Variants in GALNT13 observed in about 807,000 individuals in gnomAD.
GALNT13 encodes the protein UDP-GalNAc:polypeptide N-acetylgalactosaminyltransferase 13.
A neutral mutation model predicts 64.2 loss-of-function variants in GALNT13; 28 were observed. The ratio of observed to expected loss-of-function variants is 0.44; its 90% confidence interval spans 0.32 to 0.60. The LOEUF (loss-of-function observed/expected upper bound fraction) is 0.60, where lower values mean the gene tolerates loss of function less well. GALNT13 is among the 20% of genes least tolerant of loss of function. The probability of loss-of-function intolerance (pLI) is 0.05; values close to 1 mark genes in which losing one functional copy is unlikely to be tolerated. For missense variants in GALNT13, 577 were observed against 669.8 expected (o/e 0.86, Z 1.53); for synonymous variants, 214 against 224.6 (o/e 0.95, Z 0.42).
intron 4 of GALNT13, among the ~76,000 whole-genome samples, chr2:154,177,698 C>G (rs973242737): frequency 6.6e-6 from 1 of 152,080 alleles, no homozygotes; most frequent in African/African-American, 2.4e-5. Context: ...TGGGAATGCT[C>G]TCAATTTTTC....
At chr2:153,663,450 A>AG in the GALNT13 span, among the ~76,000 whole-genome samples, 11 of 152,206 alleles carry the variant, frequency 7.2e-5, no homozygotes, top group Non-Finnish European at 1.0e-4. Flanking sequence ...TGCCCATGTC[A>AG]GAAAAAAAAA....
At chr2:154,019,501 A>T (rs1574342167) in intron 3 of GALNT13, among the ~76,000 whole-genome samples, 1 of 151,030 alleles carries the variant, frequency 6.6e-6, no homozygotes, top group Non-Finnish European at 1.5e-5. Context: ...GGGTGTGGTG[A>T]CGCACACCTG....
the GALNT13 span, among the ~76,000 whole-genome samples, chr2:153,568,753 A>T: frequency 1.3e-5 from 2 of 152,218 alleles, no homozygotes; most frequent in African/African-American, 4.8e-5. Flanking sequence ...GAAGTGCTAA[A>T]TAATACCAGC....
intron 1 of GALNT13, among the ~76,000 whole-genome samples, chr2:153,886,457 A>T (rs1448512933): frequency 1.3e-5 from 2 of 151,344 alleles, no homozygotes; most frequent in African/African-American, 4.9e-5. Context: ...CTATGCAGCC[A>T]TAAAAAGCGA....
At chr2:154,096,602 C>A (rs940752230) in intron 3 of GALNT13, among the ~76,000 whole-genome samples, 1 of 151,956 alleles carries the variant, frequency 6.6e-6, no homozygotes, top group Non-Finnish European at 1.5e-5. Flanking sequence ...CAGAAACAAC[C>A]ATTTCCCTTG....
chr2:153,509,219 T>A, the GALNT13 span, among the ~76,000 whole-genome samples: 18 of 152,160 alleles, frequency 1.2e-4, no homozygotes, highest in African/African-American at 4.1e-4. Flanking sequence ...GCTTCCAGGG[T>A]CCCTGAGAGT....
chr2:153,615,035 A>G, the GALNT13 span, among the ~76,000 whole-genome samples: 1 of 151,960 alleles, frequency 6.6e-6, no homozygotes, highest in East Asian at 1.9e-4. Context: ...TTCACCATCA[A>G]TCCCAGCGTC....
the GALNT13 span, among the ~76,000 whole-genome samples, chr2:153,631,799 C>T: frequency 6.6e-6 from 1 of 152,172 alleles, no homozygotes; most frequent in Non-Finnish European, 1.5e-5. Flanking sequence ...TGTGCAGAAG[C>T]TCTTTAGTTT....
At chr2:153,166,621 ATGTGTGTGTGTGTGTG>A in the GALNT13 span, among the ~76,000 whole-genome samples, 95 of 122,746 alleles carry the variant, frequency 7.7e-4, no homozygotes, top group African/African-American at 8.8e-4. Context: ...TGCCTACTGC[ATGTGTGTGTGTGTGTG>A]TGTGTGTGTG....
At chr2:153,112,275 G>C in the GALNT13 span, among the ~76,000 whole-genome samples, 1 of 152,090 alleles carries the variant, frequency 6.6e-6, no homozygotes, top group Non-Finnish European at 1.5e-5. Flanking sequence ...GCTGCCTATA[G>C]GCAGTAAGTG....
At chr2:153,611,706 T>TA in the GALNT13 span, among the ~76,000 whole-genome samples, 23 of 133,454 alleles carry the variant, frequency 1.7e-4, no homozygotes, top group African/African-American at 3.4e-4. Context: ...TTTTTTTTTT[T>TA]ACTTTAAGTT....
At chr2:154,273,969 T>C (rs958570735) in intron 8 of GALNT13, among the ~76,000 whole-genome samples, 1 of 152,136 alleles carries the variant, frequency 6.6e-6, no homozygotes, top group African/African-American at 2.4e-5. Context: ...AGATTAAATA[T>C]ATAAGAAGGT....
intron 7 of GALNT13, among the ~76,000 whole-genome samples, chr2:154,249,319 T>A (rs1689947185): frequency 6.6e-6 from 1 of 152,174 alleles, no homozygotes; most frequent in Admixed American, 6.6e-5. Flanking sequence ...GTAAAGTTGC[T>A]CACTGTCTGG....
chr2:154,150,672 C>T (rs1025722812), intron 4 of GALNT13, among the ~76,000 whole-genome samples: 12 of 152,118 alleles, frequency 7.9e-5, no homozygotes, highest in African/African-American at 2.2e-4. Flanking sequence ...GTGTTTGTGT[C>T]GAGGAATTTA....
the GALNT13 span, among the ~76,000 whole-genome samples, chr2:153,773,720 T>C: frequency 1.3e-5 from 2 of 152,178 alleles, no homozygotes; most frequent in Admixed American, 1.3e-4. Context: ...GAATATCTGA[T>C]ATAGTTGTAG....
intron 1 of GALNT13, among the ~76,000 whole-genome samples, chr2:153,896,795 C>T (rs561489270): frequency 2.2e-4 from 33 of 152,000 alleles, no homozygotes; most frequent in African/African-American, 4.1e-4. Flanking sequence ...AATACTTTCT[C>T]GATATATGTT....
rs70983718 is a variant in GALNT13 at position 154,322,144 on chromosome 2, C to CTTTTTTTTT, written c.1156+20577_1156+20585dup. Among the ~76,000 whole-genome samples the CTTTTTTTTT allele has an allele frequency of 1.0e-2, 166 of 16,668 alleles. 3 individuals are homozygous for CTTTTTTTTT. The highest frequency in any genetic ancestry group is 0.016 in the East Asian group (9 of 554). The allele number at this position is 16,668 out of a possible 152,430, so 10.9% of individuals were successfully genotyped here. Reference sequence around the variant, plus strand: ...TTGAGTTTACTTTCTAAAATATGTACTTTTTTTTTTTTTTTTTTTTTTTTT... The same window carrying CTTTTTTTTT: ...TTGAGTTTACTTTCTAAAATATGTACTTTTTTTTTTTTTTTTTTTTTTTTTTTTTTTTTT... On this transcript the variant is annotated intron_variant, in intron 9 of 12. Coordinates refer to ENST00000392825, the MANE Select transcript of GALNT13 (RefSeq NM_052917.4).
chr2:153,979,406 A>G (rs533039563), intron 3 of GALNT13, among the ~76,000 whole-genome samples: 1 of 152,294 alleles, frequency 6.6e-6, no homozygotes, highest in African/African-American at 2.4e-5. Context: ...GGCACTTACA[A>G]CTAAATATCC....
chr2:153,349,833 A>G, the GALNT13 span, among the ~76,000 whole-genome samples: 1 of 152,172 alleles, frequency 6.6e-6, no homozygotes, highest in Admixed American at 6.6e-5. Context: ...TCCCTTCAGC[A>G]CTAGAGGGAG....
Sources: gnomAD v4.1 joint callset for allele counts (sites outside exome capture counted in the v4.1 genomes callset) on GRCh38, gnomAD v4.1.1 for gene constraint, MANE v1.5 for transcripts, NCBI Gene and HGNC (gene_info 2026-07-23, HGNC 2026-07-21) for gene names.